Variants in HAAO observed in about 807,000 individuals in gnomAD.
HAAO encodes the protein 3-hydroxyanthranilate 3,4-dioxygenase.
A neutral mutation model predicts 46.2 loss-of-function variants in HAAO; 49 were observed. The ratio of observed to expected loss-of-function variants is 1.06; its 90% CI spans 0.84 to 1.34. The LOEUF (loss-of-function observed/expected upper bound fraction) is 1.34. Among genes scored for constraint, HAAO ranks in the 40% most tolerant of loss-of-function variants. HAAO has a pLI of 0.00. For synonymous variants in HAAO, 157 were observed against 145.2 expected, an observed-to-expected ratio of 1.08 and a Z score of -0.58; for missense variants, 408 against 364.5, an observed-to-expected ratio of 1.12 and a Z score of -0.97.
intron 4 of HAAO, among the ~76,000 whole-genome samples, chr2:42,772,731 A>G (rs192185063): frequency 1.3e-5 from 2 of 152,106 alleles, no homozygotes; most frequent in Non-Finnish European, 1.5e-5. Context: ...CCAGATTTTG[A>G]GAATGAATGT....
At position 42,767,291 on chromosome 2, in the gene HAAO, A is replaced by AG; in HGVS notation, c.*145dup. On this transcript the variant is annotated 3_prime_UTR_variant, in exon 10 of 10. Transcript: ENST00000294973. ...TGGCATCTGGGCTGAGAAGGGCAGG[A>AG]GGGTGGGTGACAACAATGTGCAGGT... 1.5e-6 allele frequency: 1 copy of AG among 667,596 alleles called. No homozygotes were observed. Among genetic ancestry groups the AG allele is most frequent in the South Asian group, 1.7e-5 (1 of 58,962 alleles). 41.4% of individuals were successfully genotyped at this position (667,596 alleles called of 1,614,324 possible). A position where few individuals can be genotyped will look rare whatever the true frequency, so the allele number is the denominator to read the frequency against.
chr2:42,777,242 G>A (rs185667516), intron 4 of HAAO, among the ~76,000 whole-genome samples: 6 of 142,276 alleles, frequency 4.2e-5, no homozygotes, highest in South Asian at 2.2e-4. Context: ...GGCAGAAGTC[G>A]CAGTGAGCCA....
intron 4 of HAAO, among the ~76,000 whole-genome samples, chr2:42,771,217 A>AAAT (rs149399688): frequency 0.35 from 53,250 of 150,508 alleles, 10,120 homozygotes; most frequent in African/African-American, 0.45. Context: ...TCTCTACTAA[A>AAAT]AATAATAATA....
At chr2:42,779,845 C>T (rs1671857382) in intron 4 of HAAO, among the ~76,000 whole-genome samples, 1 of 152,106 alleles carries the variant, frequency 6.6e-6, no homozygotes, top group African/African-American at 2.4e-5. Flanking sequence ...ATATTGGGTT[C>T]CCTAAAGTCC....
At position 42,770,473 on chromosome 2, in the gene HAAO, G is replaced by C. The variant is rs140537553; in HGVS notation, c.440+20C>G. ...AGAGCCCCAGGAAAGCAAGAGGCAG[G>C]GGCTGGGCTGGGGGCTCACTCCTGG... On this transcript the variant is annotated intron_variant, in intron 5 of 9. Coordinates refer to ENST00000294973, the MANE Select transcript of HAAO (RefSeq NM_012205.3). 9,500 of 1,507,128 alleles carry C rather than the reference G, an allele frequency of 6.3e-3. 58 individuals are homozygous for C. Among genetic ancestry groups the C allele is most frequent in the Middle Eastern group, 0.019 (109 of 5,864 alleles). The allele number at this position is 1,507,128 out of a possible 1,614,324, so 93.4% of individuals were successfully genotyped here.
chr2:42,767,750 C>T, intron 8 of HAAO, 73 bp from the exon 9 acceptor site: 3 of 1,546,064 alleles, frequency 1.9e-6, no homozygotes, highest in Non-Finnish European at 2.7e-6. Flanking sequence ...CTGAGTCTGC[C>T]TGGGCCCCAA....
chr2:42,785,476 C>T (rs577470497), intron 2 of HAAO, among the ~76,000 whole-genome samples: 11 of 152,308 alleles, frequency 7.2e-5, no homozygotes, highest in African/African-American at 1.9e-4. Context: ...CTGTTCACAG[C>T]GGCCCTCTGC....
intron 2 of HAAO, among the ~76,000 whole-genome samples, chr2:42,786,391 A>C (rs972908850): frequency 6.6e-6 from 1 of 152,184 alleles, no homozygotes; most frequent in African/African-American, 2.4e-5. Flanking sequence ...GATTAACTGT[A>C]CTGGCTCAGG....
intron 4 of HAAO, among the ~76,000 whole-genome samples, chr2:42,780,103 A>G (rs1044008246): frequency 1.1e-4 from 17 of 152,052 alleles, no homozygotes; most frequent in Non-Finnish European, 1.9e-4. Context: ...GTCTTTGACT[A>G]TGGCTGCCTT....
intron 7 of HAAO, 105 bp from the exon 8 acceptor site, chr2:42,768,033 C>G: frequency 1.1e-6 from 1 of 949,848 alleles, no homozygotes; most frequent in South Asian, 1.4e-5. Context: ...AGGGTTGGGG[C>G]CCATGAAACA....
At chr2:42,785,232 A>G (rs1267877710) in intron 2 of HAAO, among the ~76,000 whole-genome samples, 3 of 152,352 alleles carry the variant, frequency 2.0e-5, no homozygotes, top group Admixed American at 2.0e-4. Flanking sequence ...GCCTCTAGCT[A>G]TTAGTATTGA....
chr2:42,773,278 G>T (rs577555042), intron 4 of HAAO, among the ~76,000 whole-genome samples: 1 of 152,312 alleles, frequency 6.6e-6, no homozygotes, highest in South Asian at 2.1e-4. Context: ...ATAAATACAT[G>T]CAAAGACCTT....
At chr2:42,771,026 A>G in intron 4 of HAAO, among the ~76,000 whole-genome samples, 1 of 152,198 alleles carries the variant, frequency 6.6e-6, no homozygotes, top group Non-Finnish European at 1.5e-5. Flanking sequence ...AACCAGGGCC[A>G]GTGGCTGGAC....
intron 1 of HAAO, among the ~76,000 whole-genome samples, chr2:42,790,696 T>C (rs770485243): frequency 2.0e-5 from 3 of 151,932 alleles, no homozygotes; most frequent in Non-Finnish European, 4.4e-5. Flanking sequence ...CACGCCCAGG[T>C]AATTTTTGTA....
At chr2:42,771,944 G>C (rs1671160198) in intron 4 of HAAO, among the ~76,000 whole-genome samples, 1 of 152,260 alleles carries the variant, frequency 6.6e-6, no homozygotes, top group South Asian at 2.1e-4. Flanking sequence ...TGCCTTTGGA[G>C]TGGCATTTTA....
At position 42,788,523 on chromosome 2, in the gene HAAO, A is replaced by T. The variant is rs764427690; in HGVS notation, c.159+6T>A. 11 of 1,586,810 alleles carry T rather than the reference A, an allele frequency of 6.9e-6. No individual in the cohort carries two copies. The highest frequency in any genetic ancestry group is 9.5e-6 in the Non-Finnish European group (11 of 1,155,560). On this transcript the variant is annotated splice_donor_region_variant and intron_variant, in intron 2 of 9. Transcript: ENST00000294973. The stretch of plus-strand genomic sequence containing the variant: ...GCCTAGATCCAGGGAGACCAGTCAA[A>T]CCTACCTCTTCACCCTCTTCGATGT...
At chr2:42,781,426 A>G (rs954817468) in intron 4 of HAAO, among the ~76,000 whole-genome samples, 1 of 152,200 alleles carries the variant, frequency 6.6e-6, no homozygotes, top group Admixed American at 6.5e-5. Flanking sequence ...AAAGGCCTCA[A>G]GTTTACCTTG....
At chr2:42,778,814 A>G (rs954218447) in intron 4 of HAAO, among the ~76,000 whole-genome samples, 1 of 152,210 alleles carries the variant, frequency 6.6e-6, no homozygotes, top group Admixed American at 6.5e-5. Flanking sequence ...GAGAGATAAA[A>G]TAAGTTCAGT....
At chr2:42,790,738 G>A (rs1338069395) in intron 1 of HAAO, among the ~76,000 whole-genome samples, 4 of 152,144 alleles carry the variant, frequency 2.6e-5, no homozygotes, top group African/African-American at 7.2e-5. Flanking sequence ...CACCATGTTG[G>A]CCAGTCTGGT....
Sources: gnomAD v4.1 joint callset for allele counts (sites outside exome capture counted in the v4.1 genomes callset) on GRCh38, gnomAD v4.1.1 for gene constraint, MANE v1.5 for transcripts, NCBI Gene and HGNC (gene_info 2026-07-23, HGNC 2026-07-21) for gene names.